The following ANKRD44 variants were observed in gnomAD, a reference collection of about 807,000 sequenced individuals.
ANKRD44 encodes the protein ankyrin repeat domain 44.
ANKRD44 carries 35 observed loss-of-function variants against 116.0 expected under a neutral mutation model. That is an observed-to-expected ratio of 0.30 (90% confidence interval 0.23 to 0.40). The LOEUF is 0.40. Ranked by LOEUF, ANKRD44 falls within the 10% of genes least tolerant of loss-of-function variation. The pLI, the probability that ANKRD44 is intolerant of heterozygous loss-of-function variation, is 1.00. For synonymous variants in ANKRD44, 435 were observed against 461.8 expected (o/e 0.94, Z 0.74); for missense variants, 1,014 against 1,242.6 (o/e 0.82, Z 2.77).
At chr2:197,272,725 C>T (rs956020246) in intron 1 of ANKRD44, among the ~76,000 whole-genome samples, 4 of 152,124 alleles carry the variant, frequency 2.6e-5, no homozygotes, top group African/African-American at 7.2e-5. Context: ...CATGTGAGGA[C>T]GCAGCAGGAA....
chr2:197,099,322 A>T (rs2078236265), intron 10 of ANKRD44: 1 of 194,554 alleles, frequency 5.1e-6, no homozygotes, highest in Non-Finnish European at 9.4e-6. Flanking sequence ...ACATCTTCTG[A>T]AATCTCCCAT....
At chr2:197,206,093 G>A (rs761486776) in intron 1 of ANKRD44, among the ~76,000 whole-genome samples, 2 of 152,166 alleles carry the variant, frequency 1.3e-5, no homozygotes, top group African/African-American at 2.4e-5. Context: ...GACTGGCTGC[G>A]GAGAGGAGAA....
Position 197,000,410 on chromosome 2 carries a change from A to G in ANKRD44, c.2519+9T>C, listed in dbSNP as rs368193750. On this transcript the variant is annotated intron_variant, in intron 23 of 27. Coordinates refer to ENST00000282272, the MANE Select transcript of ANKRD44 (RefSeq NM_001195144.2). Reference sequence around the variant, plus strand: ...TCAAGAAAAAAGCATGCTGTTTTAGATTACTTACCTGCCTTTGTCATCTCT... The same window carrying G: ...TCAAGAAAAAAGCATGCTGTTTTAGGTTACTTACCTGCCTTTGTCATCTCT... 3.1e-6 allele frequency: 5 copies of G among 1,610,646 alleles called. No individual in the cohort carries two copies. In the African/African-American group the frequency reaches 5.4e-5, roughly 17 times the overall value.
At chr2:197,138,336 A>G (rs1338136007) in intron 3 of ANKRD44, among the ~76,000 whole-genome samples, 2 of 152,230 alleles carry the variant, frequency 1.3e-5, no homozygotes, top group Non-Finnish European at 2.9e-5. Context: ...CTTTAAGAAC[A>G]CAAAGAACCA....
chr2:196,987,391 C>T lies in ANKRD44; in HGVS notation c.*2200G>A. ...AAATGAAAAAATACAAAACATTCCA[C>T]AGAACATTTTCAGAATATACAAATA... On this transcript the variant is annotated 3_prime_UTR_variant, in exon 28 of 28. Coordinates refer to ENST00000282272, the MANE Select transcript of ANKRD44 (RefSeq NM_001195144.2). 8.1e-6 allele frequency: 8 copies of T among 984,734 alleles called. No homozygotes were observed. Among genetic ancestry groups the T allele is most frequent in the Non-Finnish European group, 9.6e-6 (8 of 829,332 alleles). 61.0% of individuals were successfully genotyped at this position (984,734 alleles called of 1,614,324 possible).
intron 16 of ANKRD44, among the ~76,000 whole-genome samples, chr2:197,034,359 G>C (rs2124912657): frequency 6.6e-6 from 1 of 151,778 alleles, no homozygotes; most frequent in South Asian, 2.1e-4. Flanking sequence ...TTTCTTGTAA[G>C]AATACTCCCA....
intron 9 of ANKRD44, among the ~76,000 whole-genome samples, chr2:197,107,354 G>C (rs1219917689): frequency 1.3e-5 from 2 of 152,142 alleles, no homozygotes; most frequent in Non-Finnish European, 2.9e-5. Flanking sequence ...GCATCTGAGG[G>C]GGGTGCCTAG....
At chr2:196,969,208 A>G (rs2075697188) in intron 21 of ANKRD44, among the ~76,000 whole-genome samples, 1 of 152,182 alleles carries the variant, frequency 6.6e-6, no homozygotes, top group African/African-American at 2.4e-5. Context: ...ATATACTTCA[A>G]TATTTATTTA....
intron 1 of ANKRD44, among the ~76,000 whole-genome samples, chr2:197,189,425 C>G (rs2080768044): frequency 6.6e-6 from 1 of 152,210 alleles, no homozygotes; most frequent in African/African-American, 2.4e-5. Flanking sequence ...TCAGTCTTAG[C>G]TACTTACTCT....
At chr2:197,012,680 T>C (rs1238937978) in intron 18 of ANKRD44, among the ~76,000 whole-genome samples, 1 of 152,224 alleles carries the variant, frequency 6.6e-6, no homozygotes, top group Non-Finnish European at 1.5e-5. Context: ...AGGTCTATCA[T>C]TCTGGGAAAA....
chr2:197,159,186 T>C (rs906748405), intron 2 of ANKRD44, among the ~76,000 whole-genome samples: 3 of 152,228 alleles, frequency 2.0e-5, no homozygotes, highest in Non-Finnish European at 4.4e-5. Flanking sequence ...ACAGTTTCTG[T>C]GGTCCACAGA....
rs566908412 is a variant in ANKRD44, at chr2:197,126,087, T to C, written c.262-50A>G. The C allele has an allele frequency of 3.1e-6, 5 of 1,588,220 alleles. No homozygotes were observed. In the African/African-American group the frequency reaches 6.7e-5, roughly 21 times the overall value. ...AGGTCACTGACAGACGTTCAATCAA[T>C]ACTTACTGGTGTAAGATGCTTCACC... On this transcript the variant is annotated intron_variant, in intron 4 of 27. Coordinates refer to ENST00000282272, the MANE Select transcript of ANKRD44 (RefSeq NM_001195144.2).
At chr2:196,985,550 T>C (rs2125867708), downstream of ANKRD44, among the ~76,000 whole-genome samples, 1 of 152,274 alleles carries the variant, frequency 6.6e-6, no homozygotes, top group East Asian at 1.9e-4. Context: ...CAAAACATTA[T>C]ATGGCAAGAT....
At chr2:197,098,811 C>G (rs1459243449) in intron 10 of ANKRD44, among the ~76,000 whole-genome samples, 1 of 152,122 alleles carries the variant, frequency 6.6e-6, no homozygotes, top group Admixed American at 6.5e-5. Flanking sequence ...ACTAGTATTA[C>G]TACAATATTT....
rs1325883409 is a variant in ANKRD44 at position 197,143,473 on chromosome 2, A to C, written c.190+3554T>G. Among the ~76,000 whole-genome samples, 5 of 151,296 alleles carry C rather than the reference A, an allele frequency of 3.3e-5. 1 individual carries two copies. The highest frequency in any genetic ancestry group is 1.2e-4 in the African/African-American group (5 of 41,190). ...GTGTTTGGTTTTTTGTTCTTGCAAT[A>C]GTTTACTGAGAATGATGATTTCCAA... On this transcript the variant is annotated intron_variant, in intron 3 of 27. Coordinates refer to ENST00000282272, the MANE Select transcript of ANKRD44 (RefSeq NM_001195144.2).
intron 1 of ANKRD44, among the ~76,000 whole-genome samples, chr2:197,272,686 G>C (rs929336301): frequency 1.3e-5 from 2 of 151,298 alleles, no homozygotes; most frequent in Non-Finnish European, 3.0e-5. Context: ...TTATGAAATA[G>C]ACCCAGAGAG....
At chr2:197,089,765 A>G (rs748606712) in intron 11 of ANKRD44, among the ~76,000 whole-genome samples, 185 bp downstream of exon 11, 1 of 152,226 alleles carries the variant, frequency 6.6e-6, no homozygotes, top group Non-Finnish European at 1.5e-5. Flanking sequence ...ATGACATTCA[A>G]ACAGCTTTAA....
intron 1 of ANKRD44, among the ~76,000 whole-genome samples, chr2:197,195,336 G>C (rs1420356202): frequency 1.3e-5 from 2 of 152,134 alleles, no homozygotes; most frequent in Non-Finnish European, 2.9e-5. Context: ...GAAAGGAATA[G>C]AGTTTTCCCA....
chr2:196,988,702 C>T lies in ANKRD44; in HGVS notation c.*889G>A, dbSNP rs953366287. 2.4e-5 allele frequency: 24 copies of T among 985,210 alleles called. No individual in the cohort carries two copies. Among genetic ancestry groups the T allele is most frequent in the Admixed American group, 6.2e-5 (1 of 16,258 alleles). 61.0% of individuals were successfully genotyped at this position (985,210 alleles called of 1,614,324 possible). ...GGTGGAAATGGAACTCATTATAAAA[C>T]GTCAGAGAGTACTGCTCTAATTCGA... On this transcript the variant is annotated 3_prime_UTR_variant, in exon 28 of 28. Coordinates refer to ENST00000282272, the MANE Select transcript of ANKRD44 (RefSeq NM_001195144.2).
Sources: gnomAD v4.1 joint callset for allele counts (sites outside exome capture counted in the v4.1 genomes callset) on GRCh38, gnomAD v4.1.1 for gene constraint, MANE v1.5 for transcripts, NCBI Gene and HGNC (gene_info 2026-07-23, HGNC 2026-07-21) for gene names.